CERS6: variants seen among roughly 807,000 people sequenced by gnomAD.
The protein encoded by CERS6 is LAG1 homolog, ceramide synthase 6.
CERS6 carries 26 observed loss-of-function variants against 56.8 expected under a neutral mutation model. That is an observed-to-expected ratio of 0.46 (90% confidence interval 0.34 to 0.63). The LOEUF is 0.63. Among genes scored for constraint, CERS6 ranks in the 30% least tolerant of loss-of-function variants. The pLI is 0.01. For synonymous variants in CERS6, 164 were observed against 173.3 expected, an observed-to-expected ratio of 0.95 and a Z score of 0.42; for missense variants, 415 against 467.5, an observed-to-expected ratio of 0.89 and a Z score of 1.04.
chr2:168,673,028 T>A (rs1309783137), intron 4 of CERS6, among the ~76,000 whole-genome samples: 2 of 152,224 alleles, frequency 1.3e-5, no homozygotes, highest in Non-Finnish European at 2.9e-5. Flanking sequence ...AAGGACATAG[T>A]TTGACCAGTT....
intron 1 of CERS6, among the ~76,000 whole-genome samples, chr2:168,547,181 C>T (rs1574057159): frequency 6.6e-6 from 1 of 152,202 alleles, no homozygotes; most frequent in African/African-American, 2.4e-5. Flanking sequence ...AAAGCGCTCT[C>T]TCTGCATGGA....
At chr2:168,745,819 CA>C (rs1303344634) in intron 8 of CERS6, among the ~76,000 whole-genome samples, 1 of 152,202 alleles carries the variant, frequency 6.6e-6, no homozygotes, top group Non-Finnish European at 1.5e-5. Context: ...TGGGCGTCCC[CA>C]GCAGGCAGCC....
chr2:168,474,156 T>G (rs1694027011), intron 1 of CERS6, among the ~76,000 whole-genome samples: 1 of 152,202 alleles, frequency 6.6e-6, no homozygotes. Flanking sequence ...GTCTTGGGGA[T>G]TTTCCAATGT....
At chr2:168,505,504 G>A (rs928381923) in intron 1 of CERS6, among the ~76,000 whole-genome samples, 1 of 152,094 alleles carries the variant, frequency 6.6e-6, no homozygotes, top group Admixed American at 6.6e-5. Flanking sequence ...ACTTACAAGG[G>A]GACCCAGCAG....
At chr2:168,551,234 T>A (rs1276418499) in intron 2 of CERS6, among the ~76,000 whole-genome samples, 1 of 152,198 alleles carries the variant, frequency 6.6e-6, no homozygotes, top group Non-Finnish European at 1.5e-5. Context: ...ATTTGAACCC[T>A]TATATATTCT....
At chr2:168,529,944 C>T (rs908797525) in intron 1 of CERS6, among the ~76,000 whole-genome samples, 1 of 150,570 alleles carries the variant, frequency 6.6e-6, no homozygotes, top group African/African-American at 2.4e-5. Context: ...TGGACAAATC[C>T]AGCAGTCACA....
intron 3 of CERS6, among the ~76,000 whole-genome samples, chr2:168,600,212 T>TCTCTCTC (rs1559015214): frequency 6.3e-5 from 1 of 15,918 alleles, no homozygotes; most frequent in Non-Finnish European, 1.9e-4. Context: ...CTCTCTCTCT[T>TCTCTCTC]TTTTTTTTTT....
chr2:168,598,884 A>T (rs150515179), intron 3 of CERS6, among the ~76,000 whole-genome samples: 5 of 152,376 alleles, frequency 3.3e-5, no homozygotes, highest in Non-Finnish European at 5.9e-5. Flanking sequence ...GAACATGGTC[A>T]CAACTAATTC....
intron 4 of CERS6, among the ~76,000 whole-genome samples, chr2:168,656,209 G>A (rs1685464826): frequency 6.6e-6 from 1 of 152,184 alleles, no homozygotes; most frequent in African/African-American, 2.4e-5. Flanking sequence ...TCCTTTATAG[G>A]GGGTTAATGT....
intron 3 of CERS6, among the ~76,000 whole-genome samples, chr2:168,630,173 T>C (rs1007496143): frequency 1.3e-5 from 2 of 152,042 alleles, no homozygotes; most frequent in African/African-American, 4.8e-5. Flanking sequence ...ACTTTTTTTT[T>C]TTATGATATC....
chr2:168,567,187 T>C (rs1445580790), intron 3 of CERS6, among the ~76,000 whole-genome samples: 1 of 152,200 alleles, frequency 6.6e-6, no homozygotes, highest in Non-Finnish European at 1.5e-5. Flanking sequence ...TTTCCATTAA[T>C]ACAAAACAGT....
intron 1 of CERS6, among the ~76,000 whole-genome samples, chr2:168,525,969 C>G (rs1483769831): frequency 2.0e-5 from 3 of 152,058 alleles, no homozygotes; most frequent in Admixed American, 2.0e-4. Flanking sequence ...ATAAATGCTC[C>G]TATCAAAGAA....
chr2:168,540,996 G>A (rs1451453014), intron 1 of CERS6, among the ~76,000 whole-genome samples: 1 of 152,174 alleles, frequency 6.6e-6, no homozygotes, highest in Non-Finnish European at 1.5e-5. Context: ...TGACTGAAAA[G>A]TTCAAGATTA....
At chr2:168,606,061 C>T (rs1684045438) in intron 3 of CERS6, among the ~76,000 whole-genome samples, 1 of 152,148 alleles carries the variant, frequency 6.6e-6, no homozygotes. Flanking sequence ...GGACCCTGCA[C>T]CTGGAAAAGC....
At chr2:168,585,885 CAAATGTTGCACAACTAGGGAGGG>C (rs1230429490) in intron 3 of CERS6, among the ~76,000 whole-genome samples, 1 of 152,158 alleles carries the variant, frequency 6.6e-6, no homozygotes, top group Non-Finnish European at 1.5e-5. Flanking sequence ...TCTTTAAGTT[CAAATGTTGCACAACTAGGGAGGG>C]AAATGTTGCA....
At chr2:168,526,092 A>AG (rs147495650) in intron 1 of CERS6, among the ~76,000 whole-genome samples, 24,602 of 152,228 alleles carry the variant, frequency 0.16, 2,562 homozygotes, top group Non-Finnish European at 0.23. Flanking sequence ...CTCTTAAAAA[A>AG]TAATGTGGAT....
intron 3 of CERS6, among the ~76,000 whole-genome samples, chr2:168,591,267 A>G (rs1204151456): frequency 1.3e-5 from 2 of 152,238 alleles, no homozygotes; most frequent in Non-Finnish European, 2.9e-5. Context: ...TTCTCTACAT[A>G]GTATTGTTAG....
chr2:168,550,288 G>C (rs1467156159), intron 2 of CERS6, among the ~76,000 whole-genome samples: 1 of 152,074 alleles, frequency 6.6e-6, no homozygotes, highest in Non-Finnish European at 1.5e-5. Flanking sequence ...TGATCCTCTT[G>C]CTTCAGCCTC....
chr2:168,490,361 A>T (rs1157653398), intron 1 of CERS6, among the ~76,000 whole-genome samples: 1 of 152,128 alleles, frequency 6.6e-6, no homozygotes, highest in Non-Finnish European at 1.5e-5. Context: ...TGAGTGGCTC[A>T]GGCTGCTGTC....
Sources: gnomAD v4.1 joint callset for allele counts (sites outside exome capture counted in the v4.1 genomes callset) on GRCh38, gnomAD v4.1.1 for gene constraint, MANE v1.5 for transcripts, NCBI Gene and HGNC (gene_info 2026-07-23, HGNC 2026-07-21) for gene names.